Variants in GABRB1 observed in about 807,000 individuals in gnomAD.
GABRB1 encodes the protein gamma-aminobutyric acid type A receptor subunit beta1.
In GABRB1, 17 loss-of-function variants were observed where a neutral mutation model predicts 51.6. The ratio of observed to expected loss-of-function variants is 0.33; its 90% CI spans 0.23 to 0.49. The LOEUF is 0.49. Ranked by LOEUF, GABRB1 falls within the 20% of genes least tolerant of loss-of-function variation. The pLI is 0.99. For missense variants in GABRB1, 410 were observed against 600.6 expected (o/e 0.68, Z 3.32); for synonymous variants, 247 against 218.9 (o/e 1.13, Z -1.14).
chr4:47,214,981 A>G (rs1356876332), intron 4 of GABRB1, among the ~76,000 whole-genome samples: 3 of 152,130 alleles, frequency 2.0e-5, no homozygotes, highest in Non-Finnish European at 2.9e-5. Flanking sequence ...GGTTCAACTT[A>G]TATTTTTCAA....
At chr4:47,286,588 AC>A (rs1411988695) in intron 4 of GABRB1, among the ~76,000 whole-genome samples, 2 of 76,332 alleles carry the variant, frequency 2.6e-5, no homozygotes, top group African/African-American at 7.7e-5. Flanking sequence ...TGCTAAAAAG[AC>A]AAGAAAAAAA....
intron 3 of GABRB1, among the ~76,000 whole-genome samples, chr4:47,034,956 A>C (rs1725487286): frequency 6.6e-6 from 1 of 152,172 alleles, no homozygotes; most frequent in Non-Finnish European, 1.5e-5. Context: ...AATTTAATAG[A>C]AAATTTTCAT....
At position 47,032,128 on chromosome 4, in the gene GABRB1, G is replaced by GGACA. The variant is rs1553910577; in HGVS notation, c.172+123_172+124insGACA. 2.2e-4 allele frequency: 128 copies of GGACA among 583,598 alleles called. 1 individual carries two copies. The highest frequency in any genetic ancestry group is 1.7e-3 in the African/African-American group (86 of 50,522). The allele number at this position is 583,598 out of a possible 1,614,324, so 36.2% of individuals were successfully genotyped here. A position where few individuals can be genotyped will look rare whatever the true frequency, so the allele number is the denominator to read the frequency against. On this transcript the variant is annotated intron_variant, in intron 2 of 8. Transcript: ENST00000295454. ...TTCGTAAGCGTGCACTATACCCTGG[G>GGACA]CACACACACACACACACACACACAC...
intron 5 of GABRB1, among the ~76,000 whole-genome samples, chr4:47,345,809 A>AG (rs1473434322): frequency 1.3e-5 from 2 of 152,170 alleles, no homozygotes; most frequent in African/African-American, 4.8e-5. Flanking sequence ...AGCATCCCAA[A>AG]GGGAAAAAAA....
At chr4:47,179,631 A>T (rs1394417770) in intron 4 of GABRB1, among the ~76,000 whole-genome samples, 1 of 152,098 alleles carries the variant, frequency 6.6e-6, no homozygotes, top group African/African-American at 2.4e-5. Flanking sequence ...TAGCAAAATA[A>T]CTTTCCTATA....
chr4:47,147,068 T>C (rs1201362864), intron 3 of GABRB1, among the ~76,000 whole-genome samples: 2 of 152,192 alleles, frequency 1.3e-5, no homozygotes, highest in East Asian at 3.9e-4. Context: ...ATTTAAAATG[T>C]ATTTAAAAAT....
intron 3 of GABRB1, among the ~76,000 whole-genome samples, chr4:47,141,626 T>C (rs1716940109): frequency 6.6e-6 from 1 of 151,994 alleles, no homozygotes; most frequent in Non-Finnish European, 1.5e-5. Flanking sequence ...AAGTTGTATG[T>C]CTTTTTTAAT....
At chr4:47,401,207 C>A (rs1441972114) in intron 5 of GABRB1, among the ~76,000 whole-genome samples, 1 of 151,970 alleles carries the variant, frequency 6.6e-6, no homozygotes, top group Non-Finnish European at 1.5e-5. Context: ...GAGTAGATAC[C>A]CAGTAGTGGG....
chr4:47,376,066 A>G (rs544298917), intron 5 of GABRB1, among the ~76,000 whole-genome samples: 2 of 152,318 alleles, frequency 1.3e-5, no homozygotes, highest in Non-Finnish European at 2.9e-5. Context: ...CTGTCCTGGA[A>G]CCAAAACTTA....
chr4:47,331,531 G>A (rs989366222), intron 5 of GABRB1, among the ~76,000 whole-genome samples: 1 of 152,068 alleles, frequency 6.6e-6, no homozygotes, highest in Non-Finnish European at 1.5e-5. Context: ...GATTCTGGAA[G>A]TTTGTTCTTC....
intron 5 of GABRB1, among the ~76,000 whole-genome samples, chr4:47,395,456 C>T (rs1345856438): frequency 2.0e-5 from 3 of 152,292 alleles, no homozygotes; most frequent in East Asian, 3.9e-4. Flanking sequence ...ATCCAATCAC[C>T]TCTCACCAGG....
intron 5 of GABRB1, among the ~76,000 whole-genome samples, chr4:47,396,838 A>G (rs530380658): frequency 6.6e-6 from 1 of 152,304 alleles, no homozygotes; most frequent in African/African-American, 2.4e-5. Context: ...ATATGTTATC[A>G]CTTTGTGGAT....
At chr4:47,273,939 TA>T (rs1217356251) in intron 4 of GABRB1, among the ~76,000 whole-genome samples, 1 of 151,644 alleles carries the variant, frequency 6.6e-6, no homozygotes, top group Non-Finnish European at 1.5e-5. Context: ...TATGTGTGTA[TA>T]TGTACACACA....
chr4:47,139,213 G>T (rs1255858386), intron 3 of GABRB1, among the ~76,000 whole-genome samples: 1 of 151,930 alleles, frequency 6.6e-6, no homozygotes, highest in Non-Finnish European at 1.5e-5. Flanking sequence ...CTCTAAGACT[G>T]GGATGCCTCT....
intron 4 of GABRB1, among the ~76,000 whole-genome samples, chr4:47,276,290 G>A (rs1375655731): frequency 1.3e-5 from 2 of 151,974 alleles, no homozygotes; most frequent in Non-Finnish European, 2.9e-5. Flanking sequence ...ATATTTGGTT[G>A]TCATAATATA....
intron 4 of GABRB1, among the ~76,000 whole-genome samples, chr4:47,216,286 G>A (rs1219092001): frequency 6.6e-6 from 1 of 151,884 alleles, no homozygotes; most frequent in Non-Finnish European, 1.5e-5. Context: ...TTGTAGAGAA[G>A]AGGGAGGGTA....
chr4:47,032,664 A>C (rs545287628), intron 3 of GABRB1, 180 bp downstream of exon 3: 117 of 721,386 alleles, frequency 1.6e-4, no homozygotes, highest in African/African-American at 1.6e-3. Context: ...ATTTCGACAC[A>C]CACGGGCTAC....
At chr4:47,204,149 T>G (rs1241513755) in intron 4 of GABRB1, among the ~76,000 whole-genome samples, 1 of 152,178 alleles carries the variant, frequency 6.6e-6, no homozygotes, top group Non-Finnish European at 1.5e-5. Flanking sequence ...TTAAATTATC[T>G]GGAACTGCTT....
In GABRB1 at chr4:47,233,789, G is replaced by C. The variant is rs185423780; in HGVS notation, c.461+72320G>C. Among the ~76,000 whole-genome samples, 10 of 152,148 alleles carry C rather than the reference G, an allele frequency of 6.6e-5. No individual in the cohort carries two copies. In the East Asian group the frequency reaches 1.9e-3, roughly 29 times the overall value. ...AATTACATATTAGTTATATTTTGTGGTGATTAAAAGCTATGATTTTAAATT... is the reference window on the plus strand; with the variant it reads ...AATTACATATTAGTTATATTTTGTGCTGATTAAAAGCTATGATTTTAAATT... On this transcript the variant is annotated intron_variant, in intron 4 of 8. Coordinates refer to ENST00000295454, the MANE Select transcript of GABRB1 (RefSeq NM_000812.4).
Sources: gnomAD v4.1 joint callset for allele counts (sites outside exome capture counted in the v4.1 genomes callset) on GRCh38, gnomAD v4.1.1 for gene constraint, MANE v1.5 for transcripts, NCBI Gene and HGNC (gene_info 2026-07-23, HGNC 2026-07-21) for gene names.